RARB: variants seen among roughly 807,000 people sequenced by gnomAD.
RARB encodes retinoic acid receptor beta.
A neutral mutation model predicts 51.9 loss-of-function variants in RARB; 17 were observed. That is an observed-to-expected ratio of 0.33 (90% CI 0.22 to 0.49). The LOEUF (loss-of-function observed/expected upper bound fraction) is 0.49, where lower values mean the gene tolerates loss of function less well. Among genes scored for constraint, RARB ranks in the 20% least tolerant of loss-of-function variants. RARB has a pLI of 0.99. For synonymous variants in RARB, 215 were observed against 195.4 expected (o/e 1.10, Z -0.84); for missense variants, 369 against 550.8 (o/e 0.67, Z 3.30).
chr3:25,264,289 T>C (rs1347290151), intron 5 of RARB, among the ~76,000 whole-genome samples: 3 of 152,186 alleles, frequency 2.0e-5, no homozygotes, highest in African/African-American at 7.2e-5. Context: ...CATCCCAGTA[T>C]GCCTTCAAGA....
intron 5 of RARB, among the ~76,000 whole-genome samples, chr3:25,587,611 A>G (rs1337155264): frequency 1.3e-5 from 2 of 152,102 alleles, no homozygotes; most frequent in Non-Finnish European, 2.9e-5. Context: ...TAACATCTGT[A>G]TTTTCTCCTC....
At chr3:24,935,785 A>G (rs765862884) in intron 2 of RARB, among the ~76,000 whole-genome samples, 10 of 152,164 alleles carry the variant, frequency 6.6e-5, no homozygotes, top group African/African-American at 2.4e-4. Flanking sequence ...TTACTCTAAT[A>G]TGGCATAATC....
chr3:25,367,544 G>C (rs144015579), intron 5 of RARB, among the ~76,000 whole-genome samples: 249 of 151,922 alleles, frequency 1.6e-3, no homozygotes, highest in African/African-American at 5.9e-3. Context: ...AGCCAGGCAT[G>C]GTGGCTCATA....
intron 5 of RARB, among the ~76,000 whole-genome samples, chr3:25,350,273 T>G (rs149385904): frequency 6.6e-6 from 1 of 152,120 alleles, no homozygotes; most frequent in Non-Finnish European, 1.5e-5. Flanking sequence ...ACTGAAGTCA[T>G]GATGATGCTG....
intron 5 of RARB, among the ~76,000 whole-genome samples, chr3:25,183,063 G>A (rs1195797947): frequency 6.6e-6 from 1 of 151,978 alleles, no homozygotes; most frequent in Admixed American, 6.6e-5. Context: ...AACGGTTTGT[G>A]GTATTTTGTG....
intron 5 of RARB, among the ~76,000 whole-genome samples, chr3:25,215,718 T>G (rs1486747612): frequency 6.6e-6 from 1 of 152,180 alleles, no homozygotes; most frequent in African/African-American, 2.4e-5. Flanking sequence ...TCTGGCCTTC[T>G]GTCTATGGAA....
intron 1 of RARB, among the ~76,000 whole-genome samples, chr3:24,856,696 T>C (rs1387701483): frequency 6.6e-6 from 1 of 152,208 alleles, no homozygotes; most frequent in East Asian, 1.9e-4. Context: ...CTTATTTGCC[T>C]TGGGGAACCA....
Position 25,134,857 on chromosome 3 carries a change from G to A in RARB, c.-280+2649G>A, listed in dbSNP as rs559973506. Among the ~76,000 whole-genome samples, 74 of 152,086 alleles carry A rather than the reference G, an allele frequency of 4.9e-4. 1 individual carries two copies. In the South Asian group the frequency reaches 0.015, roughly 30 times the overall value. On this transcript the variant is annotated intron_variant, in intron 4 of 11. Transcript: ENST00000383772. ...CTCTACCTGGTCTAAATCGTGAAAC[G>A]AGCATCACATCTCAGGCTTTCTTGC...
intron 2 of RARB, among the ~76,000 whole-genome samples, chr3:24,884,862 A>C (rs1055994366): frequency 1.3e-5 from 2 of 152,162 alleles, no homozygotes; most frequent in African/African-American, 4.8e-5. Flanking sequence ...ACCTGAATAC[A>C]AGATGTGATG....
chr3:24,999,992 C>T (rs1267307082), intron 2 of RARB, among the ~76,000 whole-genome samples: 3 of 59,108 alleles, frequency 5.1e-5, no homozygotes, highest in African/African-American at 2.6e-4. Context: ...TAAATTCACT[C>T]CTGAGATCTG....
intron 3 of RARB, among the ~76,000 whole-genome samples, chr3:25,112,495 G>A (rs192932054): frequency 9.0e-4 from 137 of 152,130 alleles, no homozygotes; most frequent in Non-Finnish European, 1.7e-3. Flanking sequence ...AGCTAATGGT[G>A]GCCAGGAGTG....
chr3:25,071,611 T>G (rs1698767576), intron 3 of RARB, among the ~76,000 whole-genome samples: 1 of 152,202 alleles, frequency 6.6e-6, no homozygotes, highest in South Asian at 2.1e-4. Flanking sequence ...TATATTCTTT[T>G]GTCACAGTAT....
At chr3:25,401,239 G>A (rs924805835) in intron 5 of RARB, among the ~76,000 whole-genome samples, 8 of 152,076 alleles carry the variant, frequency 5.3e-5, no homozygotes, top group Non-Finnish European at 1.0e-4. Flanking sequence ...TGAGAAAGAC[G>A]AAACTTTCTC....
chr3:25,287,992 T>C (rs1467476241), intron 5 of RARB, among the ~76,000 whole-genome samples: 1 of 152,082 alleles, frequency 6.6e-6, no homozygotes, highest in East Asian at 1.9e-4. Context: ...TATTAGATTT[T>C]CCACAAAGCT....
intron 4 of RARB, among the ~76,000 whole-genome samples, chr3:25,154,149 T>A (rs538709246): frequency 6.6e-6 from 1 of 152,338 alleles, no homozygotes; most frequent in East Asian, 1.9e-4. Flanking sequence ...TCTTATTGAT[T>A]TTTCCTTTTA....
At position 25,249,953 on chromosome 3, in the gene RARB, C is replaced by T. The variant is rs941667188; in HGVS notation, c.178+75378C>T. ...TTATTGGGTCACCAGGTGGCTTTCT[C>T]TGGTGCTGATAGTAACAGTGGTGGG... On this transcript the variant is annotated intron_variant, in intron 5 of 11. Coordinates refer to the RARB transcript ENST00000383772. Among the ~76,000 whole-genome samples the T allele has an allele frequency of 6.4e-5, 4 of 62,460 alleles. No individual in the cohort carries two copies. In the African/African-American group the frequency reaches 6.8e-4, roughly 11 times the overall value. The allele number at this position is 62,460 out of a possible 152,430, so 41.0% of individuals were successfully genotyped here. A position where few individuals can be genotyped will look rare whatever the true frequency, so the allele number is the denominator to read the frequency against.
chr3:24,911,538 GTTTTTA>G (rs143605795), intron 2 of RARB, among the ~76,000 whole-genome samples: 3,546 of 152,236 alleles, frequency 0.023, 77 homozygotes, highest in Middle Eastern at 0.075. Context: ...CAGTTACCCA[GTTTTTA>G]TTTTTATTTT....
chr3:24,955,685 C>CT (rs1032455349), intron 2 of RARB, among the ~76,000 whole-genome samples: 6 of 151,872 alleles, frequency 4.0e-5, no homozygotes, highest in African/African-American at 9.7e-5. Flanking sequence ...CTTATATGCC[C>CT]TTTTTTTTAG....
chr3:24,992,586 C>A (rs1289122091), intron 2 of RARB, among the ~76,000 whole-genome samples: 1 of 152,156 alleles, frequency 6.6e-6, no homozygotes, highest in Non-Finnish European at 1.5e-5. Context: ...GCTTAAATGG[C>A]AGAAAAGTGT....
Sources: gnomAD v4.1 joint callset for allele counts (sites outside exome capture counted in the v4.1 genomes callset) on GRCh38, gnomAD v4.1.1 for gene constraint, MANE v1.5 for transcripts, NCBI Gene and HGNC (gene_info 2026-07-23, HGNC 2026-07-21) for gene names.